TMPRSS13: variants seen among roughly 807,000 people sequenced by gnomAD.
The protein encoded by TMPRSS13 is transmembrane protease serine 13.
TMPRSS13 carries 50 observed loss-of-function variants against 68.4 expected under a neutral mutation model. The observed-to-expected ratio is 0.73, with a 90% CI of 0.58 to 0.93. TMPRSS13 has a LOEUF of 0.93. TMPRSS13 is among the 40% of genes least tolerant of loss of function. The pLI, the probability that TMPRSS13 is intolerant of heterozygous loss-of-function variation, is 0.00. For missense variants in TMPRSS13, 615 were observed against 729.2 expected (o/e 0.84, Z 1.80); for synonymous variants, 267 against 285.8 (o/e 0.93, Z 0.66).
rs967209579 is a variant in TMPRSS13 at position 117,901,503 on chromosome 11, T to A, written c.*736A>T. ...AATCCCCTGGGGGTCTTGGGCTGAT[T>A]GATGCCAGCTGTCAAGGCTTCTGGA... On this transcript the variant is annotated 3_prime_UTR_variant, in exon 13 of 13. Coordinates refer to ENST00000524993, the MANE Select transcript of TMPRSS13 (RefSeq NM_001077263.3). The A allele has an allele frequency of 6.6e-6, 1 of 152,396 alleles. No homozygotes were observed. 9.4% of individuals were successfully genotyped at this position (152,396 alleles called of 1,614,324 possible). A position where few individuals can be genotyped will look rare whatever the true frequency, so the allele number is the denominator to read the frequency against.
At chr11:117,903,619 C>A (rs1045141809) in intron 12 of TMPRSS13, 36 bp downstream of exon 12, 2 of 1,613,708 alleles carry the variant, frequency 1.2e-6, no homozygotes, top group Admixed American at 1.7e-5. Flanking sequence ...AAGTTCCCAG[C>A]CTGCTGGGTG....
chr11:117,918,288 CT>C (rs1591627122), intron 2 of TMPRSS13, 120 bp downstream of exon 2: 6 of 1,247,826 alleles, frequency 4.8e-6, no homozygotes, highest in Non-Finnish European at 6.6e-6. Context: ...TCCCACCCCC[CT>C]ACCTCCCCTT....
At chr11:117,905,345 G>GTTC (rs1372402179) in intron 10 of TMPRSS13, among the ~76,000 whole-genome samples, 2 of 152,016 alleles carry the variant, frequency 1.3e-5, no homozygotes, top group Non-Finnish European at 2.9e-5. Flanking sequence ...ATGCTCCATG[G>GTTC]TTCTTCATGG....
At chr11:117,918,896 G>C (rs988648836) in intron 1 of TMPRSS13, 58 bp from the exon 2 acceptor site, 1 of 1,599,728 alleles carries the variant, frequency 6.3e-7, no homozygotes, top group Non-Finnish European at 8.5e-7. Context: ...CACCCCAGCT[G>C]TCAGCTGTGC....
intron 2 of TMPRSS13, 79 bp from the exon 3 acceptor site, chr11:117,917,353 T>C: frequency 8.4e-7 from 1 of 1,193,102 alleles, no homozygotes. Flanking sequence ...GAAACAAGAC[T>C]GTGGCCCAGG....
chr11:117,922,983 G>A lies in TMPRSS13; in HGVS notation c.22-4145C>T, dbSNP rs545925017. On this transcript the variant is annotated intron_variant, in intron 1 of 12. Coordinates refer to ENST00000524993, the MANE Select transcript of TMPRSS13 (RefSeq NM_001077263.3). The surrounding 1 kb of genome is among the most constrained non-coding windows in gnomAD (Gnocchi z 4.2). ...AAGGCTTGTTCAGGGCCCTCCAGACGTGTTGGGGCAGGAAGGCAGGGCAGG... is the reference window on the plus strand; with the variant it reads ...AAGGCTTGTTCAGGGCCCTCCAGACATGTTGGGGCAGGAAGGCAGGGCAGG... Among the ~76,000 whole-genome samples the A allele has an allele frequency of 1.2e-4, 18 of 152,366 alleles. No homozygotes were observed. Among genetic ancestry groups the A allele is most frequent in the African/African-American group, 2.6e-4 (11 of 41,596 alleles).
intron 6 of TMPRSS13, 115 bp from the exon 7 acceptor site, chr11:117,910,865 G>T (rs2057516273): frequency 4.3e-6 from 4 of 922,874 alleles, no homozygotes; most frequent in East Asian, 5.3e-5. Context: ...GCTACCCTTT[G>T]TACAGGAAGC....
chr11:117,902,256 G>T lies in TMPRSS13; in HGVS notation c.1687C>A (p.Arg563=), dbSNP rs755559808. 4.3e-6 allele frequency: 7 copies of T among 1,613,398 alleles called. No individual in the cohort carries two copies. The highest frequency in any genetic ancestry group is 5.9e-6 in the Non-Finnish European group (7 of 1,179,848). Residue 563 remains arginine, a synonymous_variant, in exon 13 of 13, where the codon CGA becomes AGA. Transcript: ENST00000524993. ...CCAGCTGGTTAGGATTTTCTGAATC[G>T]CACCTCGCTCTGAGGAAGAGAATGG... ...WIYSKMESEV[R]FRKS
chr11:117,908,468 T>C, intron 9 of TMPRSS13, 144 bp downstream of exon 9: 1 of 850,268 alleles, frequency 1.2e-6, no homozygotes, highest in South Asian at 1.6e-5. Context: ...AAGTGTTCCA[T>C]GTAAGGATCT....
chr11:117,924,478 C>T (rs892584592), intron 1 of TMPRSS13, among the ~76,000 whole-genome samples: 31 of 152,274 alleles, frequency 2.0e-4, no homozygotes, highest in African/African-American at 6.0e-4. Flanking sequence ...AGGGTGGGCA[C>T]GGGCAGACCA....
chr11:117,913,717 C>T, intron 5 of TMPRSS13, 60 bp downstream of exon 5: 1 of 1,592,534 alleles, frequency 6.3e-7, no homozygotes, highest in South Asian at 1.1e-5. Context: ...GCTTGAGACA[C>T]CCTATGAAGA....
chr11:117,928,018 T>C (rs1248157842), intron 1 of TMPRSS13, among the ~76,000 whole-genome samples: 2 of 152,230 alleles, frequency 1.3e-5, no homozygotes, highest in African/African-American at 4.8e-5. Context: ...CATCACCCTG[T>C]CTCAGGGATG....
chr11:117,907,299 A>AGAAAGGCTGGTGGGCGT (rs2057472793), intron 9 of TMPRSS13, among the ~76,000 whole-genome samples: 1 of 152,048 alleles, frequency 6.6e-6, no homozygotes, highest in African/African-American at 2.4e-5. Flanking sequence ...ATGGAGTTTC[A>AGAAAGGCTGGTGGGCGT]GAAAGGCTGG....
rs769385719 is a variant in TMPRSS13, at chr11:117,903,793, C to A, written c.1539G>T (p.Gly513=). 1.2e-6 allele frequency: 2 copies of A among 1,610,568 alleles called. No homozygotes were observed. Among genetic ancestry groups the A allele is most frequent in the Non-Finnish European group, 1.7e-6 (2 of 1,178,446 alleles). Residue 513 remains glycine (G), a synonymous_variant, in exon 12 of 13, where the codon GGG becomes GGT. Coordinates refer to ENST00000524993, the MANE Select transcript of TMPRSS13 (RefSeq NM_001077263.3). ...GRDSCQGDSG[G]PLVCEQNNRW... ...GGTTGTTCTGCTCACAGACAAGAGGCCCCCCGCTGTCTCCCTGCAGGGGAG... is the reference window on the plus strand; with the variant it reads ...GGTTGTTCTGCTCACAGACAAGAGGACCCCCGCTGTCTCCCTGCAGGGGAG...
chr11:117,928,513 G>C lies in TMPRSS13; in HGVS notation c.21+774C>G, dbSNP rs546683099. On this transcript the variant is annotated intron_variant, in intron 1 of 12. Coordinates refer to ENST00000524993, the MANE Select transcript of TMPRSS13 (RefSeq NM_001077263.3). ...ATGTCGGTAAGGTACAGAGAATTTG[G>C]AGGGGGCAGAAAACAAGACCTAAAG... 4.6e-5 allele frequency among the ~76,000 whole-genome samples: 7 copies of C among 152,294 alleles called. 1 individual carries two copies. In the East Asian group the frequency reaches 1.2e-3, roughly 25 times the overall value.
At chr11:117,911,637 G>T in intron 6 of TMPRSS13, 131 bp downstream of exon 6, 1 of 669,124 alleles carries the variant, frequency 1.5e-6, no homozygotes, top group Non-Finnish European at 2.6e-6. Flanking sequence ...AGATGCCCCT[G>T]AACACTCATG....
At chr11:117,903,035 C>T (rs950064588) in intron 12 of TMPRSS13, 1 of 1,045,980 alleles carries the variant, frequency 9.6e-7, no homozygotes, top group Non-Finnish European at 1.2e-6. Flanking sequence ...AGTCAAAAAA[C>T]ATAAAATAAC....
chr11:117,908,897 G>A (rs947969), intron 8 of TMPRSS13, 113 bp from the exon 9 acceptor site: 495,143 of 1,062,528 alleles, frequency 0.47, 117,393 homozygotes, highest in East Asian at 0.61. Flanking sequence ...GCAGGAGGAT[G>A]GATAAAATGA....
chr11:117,911,202 T>A (rs1244894401), intron 6 of TMPRSS13, among the ~76,000 whole-genome samples: 2 of 152,172 alleles, frequency 1.3e-5, no homozygotes, highest in Non-Finnish European at 2.9e-5. Context: ...GGAGCCTGGC[T>A]TCTTCTCTCC....
Sources: gnomAD v4.1 joint callset for allele counts (sites outside exome capture counted in the v4.1 genomes callset) on GRCh38, gnomAD v4.1.1 for gene constraint, Gnocchi (gnomAD v3.1) non-coding constraint, MANE v1.5 for transcripts, NCBI Gene and HGNC (gene_info 2026-07-23, HGNC 2026-07-21) for gene names.